FOCAD: variants seen among roughly 807,000 people sequenced by gnomAD.
FOCAD encodes the protein focadhesin.
In FOCAD, 198 loss-of-function variants were observed where a neutral mutation model predicts 225.6. That is an observed-to-expected ratio of 0.88 (90% CI 0.78 to 0.99). The LOEUF is 0.99. Ranked by LOEUF, FOCAD falls within the 50% of genes least tolerant of loss-of-function variation. FOCAD has a pLI of 0.00. For missense variants in FOCAD, 2,713 were observed against 2,123.6 expected (o/e 1.28, Z -5.46); for synonymous variants, 897 against 755.0 (o/e 1.19, Z -3.08).
intron 4 of FOCAD, 147 bp downstream of exon 4, chr9:20,720,681 A>G: frequency 2.6e-6 from 2 of 775,394 alleles, no homozygotes; most frequent in Non-Finnish European, 2.0e-6. Context: ...TTCATATATG[A>G]AAATATCATG....
In FOCAD at chr9:20,951,020, G is replaced by C. The variant is rs777227231; in HGVS notation, c.3973G>C (p.Gly1325Arg). The change falls in exon 34 of 44, where the codon GGT (glycine) becomes CGT (arginine). Residue 1325 changes from glycine to arginine, a missense_variant. Coordinates refer to ENST00000338382, the MANE Select transcript of FOCAD (RefSeq NM_001375567.1). ...GGTCATTAGTGTCTCTGGGGTGATT[G>C]GTCTCCAGTCAAATGCAGTCTGGCT... ...TQVISVSGVI[G>R]LQSNAVWLLG... 3 of 1,613,252 alleles carry C rather than the reference G, an allele frequency of 1.9e-6. No individual in the cohort carries two copies. The African/African-American group carries it at 4.0e-5, about 22-fold the overall frequency.
chr9:20,717,178 T>C (rs1825407197), intron 2 of FOCAD, among the ~76,000 whole-genome samples: 1 of 152,156 alleles, frequency 6.6e-6, no homozygotes, highest in African/African-American at 2.4e-5. Context: ...ATGTGTGAAA[T>C]ACAAAGAGAA....
intron 21 of FOCAD, among the ~76,000 whole-genome samples, chr9:20,906,628 G>A (rs1321114105): frequency 2.0e-5 from 3 of 151,970 alleles, no homozygotes; most frequent in Non-Finnish European, 4.4e-5. Context: ...TTTATCTAGT[G>A]GTGTGCACAA....
chr9:20,730,677 C>T (rs1305693782), intron 4 of FOCAD, among the ~76,000 whole-genome samples: 1 of 152,108 alleles, frequency 6.6e-6, no homozygotes, highest in Non-Finnish European at 1.5e-5. Context: ...ACAGCATCTT[C>T]CAAATAGGAC....
At chr9:20,800,664 T>G (rs958040437) in intron 11 of FOCAD, among the ~76,000 whole-genome samples, 3 of 152,194 alleles carry the variant, frequency 2.0e-5, no homozygotes, top group Non-Finnish European at 4.4e-5. Flanking sequence ...TGTGCATTCG[T>G]CAAATAGTTC....
intron 15 of FOCAD, among the ~76,000 whole-genome samples, chr9:20,840,268 A>G (rs894530826): frequency 6.6e-6 from 1 of 152,054 alleles, no homozygotes; most frequent in African/African-American, 2.4e-5. Flanking sequence ...CATTTTAACA[A>G]TATTGATTCT....
At chr9:20,851,748 A>G (rs1368606460) in intron 15 of FOCAD, among the ~76,000 whole-genome samples, 1 of 151,836 alleles carries the variant, frequency 6.6e-6, no homozygotes. Flanking sequence ...CATTGGTCTA[A>G]TCTAATTGCT....
chr9:20,995,446 C>T (rs1841988816), intron 43 of FOCAD, 110 bp from the exon 44 acceptor site: 2 of 746,034 alleles, frequency 2.7e-6, no homozygotes, highest in African/African-American at 1.8e-5. Flanking sequence ...CGATGGAACT[C>T]CCTAGTCTTG....
At chr9:20,722,473 C>T (rs1373329492) in intron 4 of FOCAD, among the ~76,000 whole-genome samples, 1 of 152,222 alleles carries the variant, frequency 6.6e-6, no homozygotes, top group East Asian at 1.9e-4. Flanking sequence ...CACTTCTCTG[C>T]TGCGCTAATT....
At chr9:20,863,611 G>A (rs1828973117) in intron 16 of FOCAD, 1 of 151,984 alleles carries the variant, frequency 6.6e-6, no homozygotes, top group African/African-American at 2.4e-5. Context: ...ATTCTTACAT[G>A]TAGCCTTTTT....
chr9:20,889,972 C>A (rs1021891586), intron 21 of FOCAD, among the ~76,000 whole-genome samples: 4 of 152,102 alleles, frequency 2.6e-5, no homozygotes, highest in African/African-American at 9.6e-5. Context: ...TGATGCTATT[C>A]AAATTGGACT....
chr9:20,748,319 A>T (rs1486158613), intron 5 of FOCAD, among the ~76,000 whole-genome samples: 1 of 151,974 alleles, frequency 6.6e-6, no homozygotes, highest in Non-Finnish European at 1.5e-5. Context: ...AATGGTCTTT[A>T]TAGTTTTTTT....
chr9:20,889,179 C>A (rs1831394225), intron 21 of FOCAD, among the ~76,000 whole-genome samples: 1 of 152,188 alleles, frequency 6.6e-6, no homozygotes, highest in South Asian at 2.1e-4. Context: ...TACTTTCTGC[C>A]TCTGTAGATT....
In FOCAD at chr9:20,995,709, C is replaced by A; in HGVS notation, c.*80C>A. ...TGGAAGAAGTTTTTCAGAATTCATG[C>A]CTGGTATTGCTGAGACATGATGCAG... On this transcript the variant is annotated 3_prime_UTR_variant, in exon 44 of 44. Coordinates refer to ENST00000338382, the MANE Select transcript of FOCAD (RefSeq NM_001375567.1). The A allele has an allele frequency of 8.0e-7, 1 of 1,256,782 alleles. No individual in the cohort carries two copies. The highest frequency in any genetic ancestry group is 1.2e-6 in the Non-Finnish European group (1 of 864,698). 77.9% of individuals were successfully genotyped at this position (1,256,782 alleles called of 1,614,324 possible). A position where few individuals can be genotyped will look rare whatever the true frequency, so the allele number is the denominator to read the frequency against.
intron 6 of FOCAD, among the ~76,000 whole-genome samples, chr9:20,758,931 A>G (rs1029346937): frequency 6.6e-6 from 1 of 152,192 alleles, no homozygotes; most frequent in Non-Finnish European, 1.5e-5. Context: ...TCAGGATACA[A>G]ACTCAATGTA....
chr9:20,827,549 T>C (rs1825031445), intron 15 of FOCAD, among the ~76,000 whole-genome samples: 1 of 150,514 alleles, frequency 6.6e-6, no homozygotes, highest in Non-Finnish European at 1.5e-5. Context: ...CCATGGAATA[T>C]TATTCCCCCT....
intron 1 of FOCAD, among the ~76,000 whole-genome samples, chr9:20,710,364 G>T (rs1438131284): frequency 1.3e-5 from 2 of 151,594 alleles, no homozygotes; most frequent in Non-Finnish European, 2.9e-5. Context: ...GGGAGGCCGA[G>T]ATGGGCAGAT....
At chr9:20,940,371 C>T (rs1218746793) in intron 28 of FOCAD, among the ~76,000 whole-genome samples, 2 of 150,036 alleles carry the variant, frequency 1.3e-5, no homozygotes, top group Admixed American at 1.3e-4. Context: ...ACTGCAAGTT[C>T]GACCTCCTGG....
intron 15 of FOCAD, among the ~76,000 whole-genome samples, chr9:20,848,375 C>T (rs1217181954): frequency 1.3e-5 from 2 of 151,982 alleles, no homozygotes; most frequent in Non-Finnish European, 2.9e-5. Context: ...GTCTCATGGC[C>T]TACAGTCAAT....
Sources: allele counts gnomAD v4.1 joint callset (sites outside exome capture counted in the v4.1 genomes callset), GRCh38; gene constraint gnomAD v4.1.1; transcripts MANE v1.5; gene names NCBI Gene and HGNC (gene_info 2026-07-23, HGNC 2026-07-21).